Variants in NME6 observed in about 807,000 individuals in gnomAD.
NME6 encodes the protein nucleoside diphosphate kinase 6, mitochondrial.
NME6 carries 16 observed loss-of-function variants against 22.2 expected under a neutral mutation model. The ratio of observed to expected loss-of-function variants is 0.72; its 90% CI spans 0.49 to 1.09. NME6 has a LOEUF of 1.09. Ranked by LOEUF, NME6 falls within the 50% of genes least tolerant of loss-of-function variation. The pLI is 0.00. For synonymous variants in NME6, 58 were observed against 85.2 expected (o/e 0.68, Z 1.76); for missense variants, 229 against 239.0 (o/e 0.96, Z 0.28).
At chr3:48,296,608 C>A in intron 3 of NME6, 119 bp downstream of exon 3, 1 of 689,136 alleles carries the variant, frequency 1.5e-6, no homozygotes, top group Non-Finnish European at 2.5e-6. Context: ...TTTTAGAAAA[C>A]TGGCTGCAAC....
Position 48,294,563 on chromosome 3 carries a change from G to C in NME6, c.*74C>G, listed in dbSNP as rs2034848259. 6.6e-7 allele frequency: 1 copy of C among 1,522,402 alleles called. No homozygotes were observed. Among genetic ancestry groups the C allele is most frequent in the Admixed American group, 1.8e-5 (1 of 56,624 alleles). The allele number at this position is 1,522,402 out of a possible 1,614,324, so 94.3% of individuals were successfully genotyped here. Reference sequence around the variant, plus strand: ...ATGGCACTGTAAGCCAGGCTTCCCTGGTCCTAGGAGAATGTTTTAGACTAG... The same window carrying C: ...ATGGCACTGTAAGCCAGGCTTCCCTCGTCCTAGGAGAATGTTTTAGACTAG... On this transcript the variant is annotated 3_prime_UTR_variant, in exon 6 of 6. Coordinates refer to ENST00000442597, the MANE Select transcript of NME6 (RefSeq NM_001308426.2).
intron 3 of NME6, 84 bp downstream of exon 3, chr3:48,296,643 G>T: frequency 2.1e-6 from 2 of 931,162 alleles, no homozygotes; most frequent in Non-Finnish European, 3.3e-6. Flanking sequence ...AGGTCAGAGA[G>T]CCTGCCATTG....
downstream of NME6, chr3:48,291,454 C>T (rs1288371416): frequency 4.0e-6 from 1 of 251,786 alleles, no homozygotes; most frequent in East Asian, 1.4e-4. Context: ...GCTCAAACTG[C>T]ACTGAAGCCT....
At chr3:48,295,819 G>A (rs539107298) in intron 4 of NME6, 59 of 438,364 alleles carry the variant, frequency 1.3e-4, no homozygotes, top group Non-Finnish European at 2.2e-4. Flanking sequence ...AGGTTCAAGC[G>A]ATTCTCCTGC....
chr3:48,300,508 CAGA>C (rs2035578071), intron 1 of NME6: 1 of 375,344 alleles, frequency 2.7e-6, no homozygotes, highest in Non-Finnish European at 5.2e-6. Flanking sequence ...TCTTCACCAC[CAGA>C]AGGTGTAAGC....
At chr3:48,288,374 CAA>C (rs1229770100), downstream of NME6, among the ~76,000 whole-genome samples, 4 of 104,636 alleles carry the variant, frequency 3.8e-5, no homozygotes, top group Admixed American at 1.0e-4. Flanking sequence ...GACCCTGTCT[CAA>C]AAAAAAAAAA....
At chr3:48,294,925 G>T in intron 5 of NME6, 122 bp from the exon 6 acceptor site, 2 of 1,398,678 alleles carry the variant, frequency 1.4e-6, no homozygotes, top group South Asian at 1.3e-5. Flanking sequence ...GGCATGTAAA[G>T]AAAGTCCACA....
At chr3:48,295,923 G>C in intron 4 of NME6, 196 bp downstream of exon 4, 3 of 602,052 alleles carry the variant, frequency 5.0e-6, no homozygotes, top group Non-Finnish European at 3.0e-6. Context: ...CACCACATTG[G>C]CCAGGCTGGT....
At chr3:48,290,031 TAAG>T (rs1225492994), downstream of NME6, among the ~76,000 whole-genome samples, 5 of 151,594 alleles carry the variant, frequency 3.3e-5, no homozygotes, top group East Asian at 9.7e-4. Flanking sequence ...AAAAGAAATG[TAAG>T]AAGAGTAAAC....
Position 48,294,760 on chromosome 3 carries a change from A to G in NME6, c.438T>C (p.Pro146=). 6.2e-7 allele frequency: 1 copy of G among 1,614,162 alleles called. No homozygotes were observed. Among genetic ancestry groups the G allele is most frequent in the Middle Eastern group, 1.6e-4 (1 of 6,062 alleles). ...SASREIAAFF[P]DFSEQRWYEE... is the part of the protein sequence containing the mutation. ...CATACCAGCGCTGTTCACTGAAGTCAGGGAAGAAGGCTGCAATCTCTCTGC... is the reference window on the plus strand; with the variant it reads ...CATACCAGCGCTGTTCACTGAAGTCGGGGAAGAAGGCTGCAATCTCTCTGC... Residue 146 remains proline (P), a synonymous_variant, in exon 6 of 6, where the codon CCT becomes CCC. Coordinates refer to ENST00000442597, the MANE Select transcript of NME6 (RefSeq NM_001308426.2).
At chr3:48,298,109 G>C in intron 2 of NME6, 1 of 361,148 alleles carries the variant, frequency 2.8e-6, no homozygotes, top group Non-Finnish European at 5.3e-6. Flanking sequence ...CTAAACTACT[G>C]AACTGTGAAA....
chr3:48,289,528 C>T (rs961335455), downstream of NME6, among the ~76,000 whole-genome samples: 4 of 152,038 alleles, frequency 2.6e-5, no homozygotes, highest in Non-Finnish European at 2.9e-5. Context: ...GCAGACACAC[C>T]GGAGAATGAT....
At chr3:48,295,572 C>A in intron 4 of NME6, 1 of 270,226 alleles carries the variant, frequency 3.7e-6, no homozygotes, top group Non-Finnish European at 7.0e-6. Flanking sequence ...GATGGAGTCT[C>A]ACTCTGTTGC....
chr3:48,296,584 GT>G (rs1409697129), intron 3 of NME6, 142 bp downstream of exon 3: 17 of 634,844 alleles, frequency 2.7e-5, no homozygotes, highest in African/African-American at 5.5e-5. Flanking sequence ...AAAAGTGTGT[GT>G]TTTAAACCAA....
rs2034767554 is a variant in NME6, at chr3:48,293,942, A to G, written c.*695T>C. ...AAGCAATAACTGAATGCTGCTGAGA[A>G]GTCAGAATGATGAAGCCTGAAAAGT... On this transcript the variant is annotated 3_prime_UTR_variant, in exon 6 of 6. Coordinates refer to ENST00000442597, the MANE Select transcript of NME6 (RefSeq NM_001308426.2). The G allele has an allele frequency of 6.6e-6, 1 of 152,282 alleles. No individual in the cohort carries two copies. The highest frequency in any genetic ancestry group is 1.5e-5 in the Non-Finnish European group (1 of 68,060). 9.4% of individuals were successfully genotyped at this position (152,282 alleles called of 1,614,324 possible).
Position 48,298,464 on chromosome 3 carries a change from A to T in NME6, c.53T>A (p.Ile18Asn). The change falls in exon 2 of 6, where the codon ATC (isoleucine) becomes AAC (asparagine). Residue 18 changes from isoleucine to asparagine, a missense_variant. Coordinates refer to ENST00000442597, the MANE Select transcript of NME6 (RefSeq NM_001308426.2). ...TGGATGGGCGACTGCGTCAGGCTTG[A>T]TCAGGGCTAGAGTGAGCTGGAGAGC... ...PQALQLTLAL[I>N]KPDAVAHPLI... is the part of the protein sequence containing the mutation. 1 of 1,614,072 alleles carries T rather than the reference A, an allele frequency of 6.2e-7. No individual in the cohort carries two copies. Among genetic ancestry groups the T allele is most frequent in the South Asian group, 1.1e-5 (1 of 91,068 alleles).
chr3:48,296,098 C>G (rs1302953530), intron 4 of NME6, 21 bp downstream of exon 4: 2 of 1,537,012 alleles, frequency 1.3e-6, no homozygotes, highest in Non-Finnish European at 1.8e-6. Flanking sequence ...GATAAAGATG[C>G]TGGAACCAAA....
At chr3:48,301,155 G>T in intron 1 of NME6, 198 bp downstream of exon 1, 1 of 1,050,368 alleles carries the variant, frequency 9.5e-7, no homozygotes. Flanking sequence ...ACCCACGCGC[G>T]GCCGGGACCT....
At chr3:48,291,325 A>T, downstream of NME6, 2 of 481,092 alleles carry the variant, frequency 4.2e-6, no homozygotes, top group Non-Finnish European at 8.3e-6. Context: ...ATCAGAGACT[A>T]AGCATTCGCT....
Sources: gnomAD v4.1 joint callset for allele counts (sites outside exome capture counted in the v4.1 genomes callset) on GRCh38, gnomAD v4.1.1 for gene constraint, MANE v1.5 for transcripts, NCBI Gene and HGNC (gene_info 2026-07-23, HGNC 2026-07-21) for gene names.